The following DDX1 variants were observed in gnomAD, a reference collection of about 807,000 sequenced individuals.
The protein encoded by DDX1 is DEAD-box helicase 1.
Under a neutral mutation model 108.7 loss-of-function variants are expected in DDX1, and 28 were observed. The observed-to-expected ratio is 0.26, with a 90% confidence interval of 0.19 to 0.35. DDX1 has a LOEUF of 0.35. Among genes scored for constraint, DDX1 ranks in the 10% least tolerant of loss-of-function variants. The pLI, the probability that DDX1 is intolerant of heterozygous loss-of-function variation, is 1.00. For missense variants in DDX1, 710 were observed against 884.5 expected (o/e 0.80, Z 2.50); for synonymous variants, 295 against 288.9 (o/e 1.02, Z -0.21).
chr2:15,595,012 C>A, intron 1 of DDX1, 133 bp from the exon 2 acceptor site: 1 of 632,028 alleles, frequency 1.6e-6, no homozygotes, highest in Non-Finnish European at 2.7e-6. Context: ...TTCAACAGTG[C>A]CACGCTCAGT....
At chr2:15,611,903 C>G (rs1665771861) in intron 13 of DDX1, among the ~76,000 whole-genome samples, 1 of 102,264 alleles carries the variant, frequency 9.8e-6, no homozygotes, top group Non-Finnish European at 1.9e-5. Context: ...GGGCGGCTGG[C>G]CGGGCGGGGA....
At chr2:15,618,096 GA>G in intron 15 of DDX1, 84 bp from the exon 16 acceptor site, 4 of 725,646 alleles carry the variant, frequency 5.5e-6, no homozygotes, top group Non-Finnish European at 9.1e-6. Flanking sequence ...GTTTGATTTA[GA>G]AAAAAGATTT....
chr2:15,618,222 G>T lies in DDX1; in HGVS notation c.1158G>T (p.Arg386Ser). The T allele has an allele frequency of 6.3e-7, 1 of 1,591,024 alleles. No homozygotes were observed. The change falls in exon 16 of 26, where the codon AGG (arginine) becomes AGT (serine). Residue 386 changes from arginine to serine, a missense_variant. Around this residue, in one of 3 missense-constraint regions of DDX1, gnomAD observed 661 missense variants for 810.2 expected, o/e 0.82. Coordinates refer to ENST00000233084, the MANE Select transcript of DDX1 (RefSeq NM_004939.3). ...AAGGTTATTCTGATTTTATAAATAG[G>T]ATGCACAATCAGATTCCTCAGGTTA... ...LSQGYSDFIN[R>S]MHNQIPQVTS...
chr2:15,608,225 A>C (rs749411564), intron 13 of DDX1, among the ~76,000 whole-genome samples: 1 of 152,160 alleles, frequency 6.6e-6, no homozygotes, highest in Non-Finnish European at 1.5e-5. Context: ...CATAAAACTC[A>C]TTATTTGAAA....
intron 1 of DDX1, among the ~76,000 whole-genome samples, chr2:15,592,879 A>G (rs983369712): frequency 1.5e-5 from 2 of 130,084 alleles, no homozygotes; most frequent in South Asian, 4.9e-4. Context: ...TAGGAATTCC[A>G]TATCTCCAGT....
intron 1 of DDX1, among the ~76,000 whole-genome samples, chr2:15,594,508 G>A (rs1665468685): frequency 6.6e-6 from 1 of 152,284 alleles, no homozygotes; most frequent in South Asian, 2.1e-4. Context: ...CCTTGAAGTA[G>A]AATTATTGAG....
At chr2:15,597,061 T>C (rs1227936137) in intron 4 of DDX1, among the ~76,000 whole-genome samples, 1 of 152,234 alleles carries the variant, frequency 6.6e-6, no homozygotes, top group Non-Finnish European at 1.5e-5. Flanking sequence ...CATACAGAAG[T>C]TGATCTCCTA....
At position 15,628,855 on chromosome 2, in the gene DDX1, C is replaced by A; in HGVS notation, c.1875+16C>A. The A allele has an allele frequency of 6.2e-7, 1 of 1,604,548 alleles. No individual in the cohort carries two copies. The highest frequency in any genetic ancestry group is 8.5e-7 in the Non-Finnish European group (1 of 1,171,396). On this transcript the variant is annotated intron_variant, in intron 23 of 25. Transcript: ENST00000233084. ...AAAAGAAAAGGTAATCTTTGTAGGG[C>A]TCTATTATATTCATTGTGTGTGTTG...
At chr2:15,595,119 T>C (rs1473405612) in intron 1 of DDX1, 26 bp from the exon 2 acceptor site, 1 of 1,577,184 alleles carries the variant, frequency 6.3e-7, no homozygotes, top group Non-Finnish European at 8.7e-7. Flanking sequence ...GTTTATGTGG[T>C]TTTTAAAATT....
intron 20 of DDX1, 112 bp from the exon 21 acceptor site, chr2:15,628,333 G>A (rs1666132778): frequency 2.6e-6 from 2 of 765,860 alleles, no homozygotes; most frequent in African/African-American, 1.7e-5. Flanking sequence ...CCTCTAATCT[G>A]ATAGTAACAC....
At chr2:15,603,668 T>C in intron 8 of DDX1, 146 bp from the exon 9 acceptor site, 1 of 632,072 alleles carries the variant, frequency 1.6e-6, no homozygotes, top group Non-Finnish European at 2.8e-6. Flanking sequence ...CACTGTTTAG[T>C]TTTTTGCAGG....
chr2:15,611,216 A>T (rs1399174021), intron 13 of DDX1, among the ~76,000 whole-genome samples: 1 of 150,858 alleles, frequency 6.6e-6, no homozygotes, highest in African/African-American at 2.5e-5. Flanking sequence ...GTCACAGATC[A>T]ACAGGATCCC....
rs115444796 is a variant in DDX1, at chr2:15,630,654, G to T, written c.2093-122G>T. 4.4e-3 allele frequency: 4,018 copies of T among 917,770 alleles called. 16 individuals are homozygous for T. Among genetic ancestry groups the T allele is most frequent in the Non-Finnish European group, 4.8e-3 (2,902 of 598,472 alleles). The allele number at this position is 917,770 out of a possible 1,614,324, so 56.9% of individuals were successfully genotyped here. On this transcript the variant is annotated intron_variant, in intron 25 of 25. Transcript: ENST00000233084. ...AAAGTCAAAGTTCTGGAGATAACTT[G>T]CCCAGTAGTACATTTTATTGCTGCA...
chr2:15,614,950 C>A (rs998116089), intron 14 of DDX1, among the ~76,000 whole-genome samples: 7 of 152,146 alleles, frequency 4.6e-5, no homozygotes, highest in African/African-American at 1.7e-4. Context: ...GGAATTAAAT[C>A]TGCTTTCATC....
chr2:15,618,644 T>C (rs975778043), intron 16 of DDX1, among the ~76,000 whole-genome samples: 2 of 152,236 alleles, frequency 1.3e-5, no homozygotes, highest in African/African-American at 4.8e-5. Context: ...TCTTCCCCAG[T>C]TGAAGGTGGG....
chr2:15,599,695 T>A lies in DDX1; in HGVS notation c.286T>A (p.Tyr96Asn), dbSNP rs754007875. 1.9e-6 allele frequency: 3 copies of A among 1,607,118 alleles called. No homozygotes were observed. The South Asian group carries it at 3.3e-5, about 18-fold the overall frequency. Residue 96 changes from tyrosine to asparagine, a missense_variant, in exon 6 of 26, where the codon TAT becomes AAT. Tyr to Asn is a moderately radical substitution (Grantham distance 143). Transcript: ENST00000233084. ...GCTGAACAAATGGCAGATGAACCCA[T>A]ATGACAGAGGATCTGCTTTTGGTAA... ...SVLNKWQMNP[Y>N]DRGSAFAIGS...
chr2:15,625,256 A>T (rs537359919), intron 19 of DDX1, among the ~76,000 whole-genome samples: 3 of 152,314 alleles, frequency 2.0e-5, no homozygotes, highest in African/African-American at 7.2e-5. Context: ...AAAAAGTCAG[A>T]ACTAATCTGT....
intron 3 of DDX1, among the ~76,000 whole-genome samples, chr2:15,596,256 GA>G (rs1167836609): frequency 6.6e-6 from 1 of 152,148 alleles, no homozygotes; most frequent in Non-Finnish European, 1.5e-5. Context: ...TAGAATGTAG[GA>G]TATGACCCTG....
At chr2:15,595,613 G>T in intron 3 of DDX1, 60 bp downstream of exon 3, 2 of 1,090,404 alleles carry the variant, frequency 1.8e-6, no homozygotes, top group Admixed American at 1.7e-5. Flanking sequence ...AATTGCATAG[G>T]CTTACAAATG....
Sources: allele counts gnomAD v4.1 joint callset (sites outside exome capture counted in the v4.1 genomes callset), GRCh38; gene constraint gnomAD v4.1.1; regional missense constraint gnomAD v4.1.1; transcripts MANE v1.5; gene names NCBI Gene and HGNC (gene_info 2026-07-23, HGNC 2026-07-21).